CSMD1: variants seen among roughly 807,000 people sequenced by gnomAD.
The protein encoded by CSMD1 is CUB and Sushi multiple domains 1, also known as CUB and sushi domain-containing protein 1.
CSMD1 carries 213 observed loss-of-function variants against 417.5 expected under a neutral mutation model. The ratio of observed to expected loss-of-function variants is 0.51; its 90% CI spans 0.46 to 0.57. The LOEUF is 0.57. CSMD1 is among the 20% of genes least tolerant of loss of function. CSMD1 has a pLI of 0.00. For synonymous variants in CSMD1, 2,862 were observed against 1,736.8 expected (o/e 1.65, Z -16.11); for missense variants, 6,923 against 4,529.7 (o/e 1.53, Z -15.17).
At chr8:3,968,838 G>T (rs1563265739) in intron 5 of CSMD1, among the ~76,000 whole-genome samples, 2 of 152,148 alleles carry the variant, frequency 1.3e-5, no homozygotes, top group East Asian at 1.9e-4. Context: ...ACAAGATTTG[G>T]CTGCTGGTTA....
intron 2 of CSMD1, among the ~76,000 whole-genome samples, chr8:4,571,887 T>G (rs555228448): frequency 2.6e-5 from 4 of 152,194 alleles, no homozygotes; most frequent in Admixed American, 6.5e-5. Flanking sequence ...AATGCCCTTG[T>G]CTTTTTGGAT....
chr8:3,580,020 C>G (rs1800315189), intron 9 of CSMD1, among the ~76,000 whole-genome samples: 1 of 152,068 alleles, frequency 6.6e-6, no homozygotes. Context: ...AGAAGAATCC[C>G]TTGAGCTAGG....
chr8:4,938,592 G>A (rs577431282), intron 1 of CSMD1, among the ~76,000 whole-genome samples: 45 of 152,244 alleles, frequency 3.0e-4, no homozygotes, highest in Admixed American at 5.9e-4. Context: ...TCGGGAAAAC[G>A]CATACTTGCA....
chr8:3,119,083 G>A (rs1817035187), intron 41 of CSMD1, among the ~76,000 whole-genome samples: 1 of 152,088 alleles, frequency 6.6e-6, no homozygotes, highest in Non-Finnish European at 1.5e-5. Context: ...AGGAGGCTGA[G>A]GCGGGAGAAT....
chr8:3,368,033 A>T (rs1809715243), intron 19 of CSMD1, among the ~76,000 whole-genome samples: 1 of 152,186 alleles, frequency 6.6e-6, no homozygotes, highest in Admixed American at 6.5e-5. Context: ...CCTCATAGTA[A>T]CCGGAACTAC....
chr8:4,590,405 G>C (rs1401724555), intron 2 of CSMD1, among the ~76,000 whole-genome samples: 1 of 151,932 alleles, frequency 6.6e-6, no homozygotes, highest in African/African-American at 2.4e-5. Flanking sequence ...AGGACTTTGG[G>C]CTTATTAATT....
In CSMD1 at chr8:3,843,537, TA is replaced by T. The variant is rs372104864; in HGVS notation, c.819-89496del. 4.4e-3 allele frequency among the ~76,000 whole-genome samples: 653 copies of T among 147,994 alleles called. 5 individuals are homozygous for T. The highest frequency in any genetic ancestry group is 0.015 in the African/African-American group (605 of 40,452). On this transcript the variant is annotated intron_variant, in intron 5 of 69. Coordinates refer to ENST00000635120, the MANE Select transcript of CSMD1 (RefSeq NM_033225.6). ...AGAAAAATGTGAAACTATATAAAAG[TA>T]AAAAAAAAACAAGTTATTCACGATG...
intron 4 of CSMD1, among the ~76,000 whole-genome samples, chr8:4,009,755 G>C (rs558402465): frequency 9.2e-5 from 14 of 152,186 alleles, no homozygotes; most frequent in African/African-American, 3.1e-4. Flanking sequence ...ACTCCTCCAG[G>C]AGCCAGAATG....
At chr8:3,827,032 T>G (rs1802094381) in intron 5 of CSMD1, among the ~76,000 whole-genome samples, 1 of 152,174 alleles carries the variant, frequency 6.6e-6, no homozygotes, top group Non-Finnish European at 1.5e-5. Context: ...TCCTCCCATC[T>G]TGGCCTTTTG....
intron 2 of CSMD1, among the ~76,000 whole-genome samples, chr8:4,590,913 T>C (rs1292950813): frequency 6.6e-6 from 1 of 152,248 alleles, no homozygotes; most frequent in Admixed American, 6.5e-5. Context: ...GATACAACAA[T>C]GCTCTCAGGC....
intron 10 of CSMD1, among the ~76,000 whole-genome samples, chr8:3,563,599 T>G (rs1799567934): frequency 6.6e-6 from 1 of 152,152 alleles, no homozygotes; most frequent in East Asian, 1.9e-4. Flanking sequence ...GTAAAAACAT[T>G]TTTTAACCTG....
intron 3 of CSMD1, among the ~76,000 whole-genome samples, chr8:4,094,026 A>C (rs1158415757): frequency 6.6e-6 from 1 of 152,078 alleles, no homozygotes; most frequent in Non-Finnish European, 1.5e-5. Flanking sequence ...AAAAAAGACA[A>C]AGAAAATCAA....
rs565549250 is a variant in CSMD1 at position 4,729,498 on chromosome 8, T to G, written c.86-91940A>C. On this transcript the variant is annotated intron_variant, in intron 1 of 69. Transcript: ENST00000635120. The stretch of plus-strand genomic sequence containing the variant: ...AGGAAAAGTGAGTCACACAAAAGTT[T>G]TCTTTAAGGTGAATGAAATACACAT... Among the ~76,000 whole-genome samples the G allele has an allele frequency of 2.6e-5, 4 of 152,316 alleles. No individual in the cohort carries two copies. In the East Asian group the frequency reaches 7.7e-4, roughly 29 times the overall value.
At chr8:4,924,238 C>G (rs920374484) in intron 1 of CSMD1, among the ~76,000 whole-genome samples, 1 of 152,152 alleles carries the variant, frequency 6.6e-6, no homozygotes, top group South Asian at 2.1e-4. Context: ...TTATTTTCAT[C>G]TATGTGACCA....
chr8:4,681,596 C>G (rs1426281065), intron 1 of CSMD1, among the ~76,000 whole-genome samples: 4 of 152,120 alleles, frequency 2.6e-5, no homozygotes, highest in Non-Finnish European at 4.4e-5. Context: ...GAGTGGAACT[C>G]GAGCCTGGTA....
At chr8:3,588,235 C>T (rs576458334) in intron 8 of CSMD1, among the ~76,000 whole-genome samples, 15 of 151,812 alleles carry the variant, frequency 9.9e-5, no homozygotes, top group African/African-American at 2.9e-4. Flanking sequence ...AGTACCAAAG[C>T]GGCAGAAGTG....
At chr8:3,737,906 C>G (rs1354365617) in intron 6 of CSMD1, among the ~76,000 whole-genome samples, 2 of 152,196 alleles carry the variant, frequency 1.3e-5, no homozygotes, top group Admixed American at 6.5e-5. Context: ...CAAACTCTGA[C>G]TTGCTTGTGT....
At chr8:4,448,420 T>C (rs1315624310) in intron 2 of CSMD1, among the ~76,000 whole-genome samples, 1 of 152,234 alleles carries the variant, frequency 6.6e-6, no homozygotes, top group Non-Finnish European at 1.5e-5. Context: ...TGTGCCCTGA[T>C]GCAGATTGGA....
chr8:3,554,112 C>G (rs537281855), intron 10 of CSMD1, among the ~76,000 whole-genome samples: 1 of 152,310 alleles, frequency 6.6e-6, no homozygotes, highest in Admixed American at 6.5e-5. Flanking sequence ...GTATTTAATG[C>G]ATGTCTAAGC....
Sources: gnomAD v4.1 joint callset for allele counts (sites outside exome capture counted in the v4.1 genomes callset) on GRCh38, gnomAD v4.1.1 for gene constraint, MANE v1.5 for transcripts, NCBI Gene and HGNC (gene_info 2026-07-23, HGNC 2026-07-21) for gene names.